Variants in CCDC85A observed in about 807,000 individuals in gnomAD.
CCDC85A encodes coiled-coil domain containing 85A.
CCDC85A carries 38 observed loss-of-function variants against 50.2 expected under a neutral mutation model. The ratio of observed to expected loss-of-function variants is 0.76; its 90% CI spans 0.58 to 0.99. CCDC85A has a LOEUF of 0.99. Among genes scored for constraint, CCDC85A ranks in the 50% least tolerant of loss-of-function variants. CCDC85A has a pLI of 0.00. For missense variants in CCDC85A, 820 were observed against 742.0 expected (o/e 1.11, Z -1.22); for synonymous variants, 366 against 301.4 (o/e 1.21, Z -2.22).
intron 2 of CCDC85A, among the ~76,000 whole-genome samples, chr2:56,315,309 C>T (rs936842048): frequency 6.6e-6 from 1 of 152,060 alleles, no homozygotes; most frequent in Non-Finnish European, 1.5e-5. Context: ...AACTAAAGAA[C>T]AGCTCACTTT....
rs922599211 is a variant in CCDC85A at position 56,272,274 on chromosome 2, T to TA, written c.1241-70595dup. ...GCAGAAAGAGGAGTGGTAACCAACT[T>TA]AAAAAAAAAACAGCAGAAAGTATTA... On this transcript the variant is annotated intron_variant, in intron 2 of 5. Coordinates refer to ENST00000407595, the MANE Select transcript of CCDC85A (RefSeq NM_001080433.2). Among the ~76,000 whole-genome samples the TA allele has an allele frequency of 5.2e-4, 76 of 147,362 alleles. 1 individual carries two copies. Among genetic ancestry groups the TA allele is most frequent in the African/African-American group, 1.4e-3 (55 of 40,214 alleles).
At chr2:56,228,444 C>T (rs77549035) in intron 2 of CCDC85A, among the ~76,000 whole-genome samples, 6,020 of 152,108 alleles carry the variant, frequency 0.04, 212 homozygotes, top group Admixed American at 0.12. Flanking sequence ...TAAATATTTA[C>T]TTTTATTATT....
At chr2:56,352,026 T>C (rs532969884) in intron 3 of CCDC85A, among the ~76,000 whole-genome samples, 21 of 152,210 alleles carry the variant, frequency 1.4e-4, no homozygotes, top group Admixed American at 3.3e-4. Flanking sequence ...AATTAATTTT[T>C]GTATAAGGTG....
At chr2:56,265,853 T>A (rs1297004243) in intron 2 of CCDC85A, among the ~76,000 whole-genome samples, 1 of 152,200 alleles carries the variant, frequency 6.6e-6, no homozygotes, top group Non-Finnish European at 1.5e-5. Flanking sequence ...CCATATTTAT[T>A]ATAGCACTAT....
intron 2 of CCDC85A, among the ~76,000 whole-genome samples, chr2:56,253,422 C>G (rs1019548453): frequency 6.6e-6 from 1 of 152,210 alleles, no homozygotes; most frequent in Admixed American, 6.5e-5. Context: ...ATGTAAAGAA[C>G]AAGAAGACCA....
In CCDC85A at chr2:56,193,234, G is replaced by T. The variant is rs200423664; in HGVS notation, c.1034G>T (p.Gly345Val). The change falls in exon 2 of 6, where the codon GGG becomes GTG. Residue 345 changes from glycine (G) to valine (V), a missense_variant. Coordinates refer to ENST00000407595, the MANE Select transcript of CCDC85A (RefSeq NM_001080433.2). ...GAGCATCTTCAGAAACACGCTCTTGGGGGGAGCCTAGAGCATCTCCCCAGA... is the reference window on the plus strand; with the variant it reads ...GAGCATCTTCAGAAACACGCTCTTGTGGGGAGCCTAGAGCATCTCCCCAGA... Reference protein sequence around the residue: ...SPEHLQKHALGGSLEHLPRAR... With the variant: ...SPEHLQKHALVGSLEHLPRAR... 8.4e-5 allele frequency: 136 copies of T among 1,613,580 alleles called. 1 individual carries two copies. The highest frequency in any genetic ancestry group is 2.9e-4 in the South Asian group (26 of 91,040).
intron 2 of CCDC85A, among the ~76,000 whole-genome samples, chr2:56,259,828 C>G (rs1670144884): frequency 6.6e-6 from 1 of 152,202 alleles, no homozygotes; most frequent in Non-Finnish European, 1.5e-5. Flanking sequence ...GATGATGACA[C>G]ATGTCAGACT....
At chr2:56,353,088 A>G (rs1280399122) in intron 3 of CCDC85A, among the ~76,000 whole-genome samples, 2 of 152,184 alleles carry the variant, frequency 1.3e-5, no homozygotes, top group Non-Finnish European at 2.9e-5. Flanking sequence ...ACAAATGCCT[A>G]CTTACATCGT....
At chr2:56,378,636 G>A (rs374422562) in intron 5 of CCDC85A, among the ~76,000 whole-genome samples, 1 of 152,166 alleles carries the variant, frequency 6.6e-6, no homozygotes, top group Admixed American at 6.5e-5. Flanking sequence ...ATGGCTAGAC[G>A]TTTCAAATTA....
intron 2 of CCDC85A, among the ~76,000 whole-genome samples, chr2:56,297,808 G>A: frequency 6.6e-6 from 1 of 152,142 alleles, no homozygotes; most frequent in East Asian, 1.9e-4. Context: ...TTCTTTTTCA[G>A]GCCATTTGGC....
At chr2:56,232,383 A>G (rs1553396387) in intron 2 of CCDC85A, among the ~76,000 whole-genome samples, 6 of 152,158 alleles carry the variant, frequency 3.9e-5, no homozygotes, top group African/African-American at 7.2e-5. Context: ...GCATTTTGAT[A>G]TGGTTTGGCT....
intron 5 of CCDC85A, among the ~76,000 whole-genome samples, chr2:56,376,704 C>T (rs1676353570): frequency 2.0e-5 from 3 of 152,158 alleles, no homozygotes; most frequent in Admixed American, 2.0e-4. Context: ...AATCATCTTA[C>T]AAATTGAGAT....
chr2:56,252,769 C>T (rs1669823300), intron 2 of CCDC85A, among the ~76,000 whole-genome samples: 1 of 152,116 alleles, frequency 6.6e-6, no homozygotes, highest in Admixed American at 6.5e-5. Context: ...TGCTCAACTC[C>T]CACCTATGAG....
At chr2:56,211,430 G>T (rs1677174566) in intron 2 of CCDC85A, among the ~76,000 whole-genome samples, 1 of 151,918 alleles carries the variant, frequency 6.6e-6, no homozygotes, top group South Asian at 2.1e-4. Flanking sequence ...GGGAGTATGG[G>T]CAAAGCCATT....
At chr2:56,353,909 C>T (rs1229114851) in intron 3 of CCDC85A, among the ~76,000 whole-genome samples, 1 of 152,188 alleles carries the variant, frequency 6.6e-6, no homozygotes, top group Admixed American at 6.5e-5. Flanking sequence ...CATAGCGTTA[C>T]TGAGTAGACT....
intron 1 of CCDC85A, among the ~76,000 whole-genome samples, chr2:56,185,993 A>G (rs1676022384): frequency 6.6e-6 from 1 of 152,162 alleles, no homozygotes; most frequent in African/African-American, 2.4e-5. Context: ...CAGACAGTAG[A>G]TGCTGTTCCG....
chr2:56,227,997 A>G (rs540374054), intron 2 of CCDC85A, among the ~76,000 whole-genome samples: 130 of 152,356 alleles, frequency 8.5e-4, no homozygotes, highest in African/African-American at 2.9e-3. Context: ...CTGTTTCACA[A>G]TCGCAGAAAT....
At chr2:56,190,956 C>G (rs1308853094) in intron 1 of CCDC85A, among the ~76,000 whole-genome samples, 1 of 152,182 alleles carries the variant, frequency 6.6e-6, no homozygotes, top group African/African-American at 2.4e-5. Context: ...CGTCGCTGAC[C>G]ATGCCATGCA....
At chr2:56,254,443 T>A (rs1276006550) in intron 2 of CCDC85A, among the ~76,000 whole-genome samples, 1 of 152,206 alleles carries the variant, frequency 6.6e-6, no homozygotes, top group African/African-American at 2.4e-5. Context: ...TGTATGATAA[T>A]GCCATATTGA....
Sources: allele counts gnomAD v4.1 joint callset (sites outside exome capture counted in the v4.1 genomes callset), GRCh38; gene constraint gnomAD v4.1.1; transcripts MANE v1.5; gene names NCBI Gene and HGNC (gene_info 2026-07-23, HGNC 2026-07-21).